LIFR: variants seen among roughly 807,000 people sequenced by gnomAD.
LIFR encodes leukemia inhibitory factor receptor.
A neutral mutation model predicts 122.2 loss-of-function variants in LIFR; 84 were observed. The ratio of observed to expected loss-of-function variants is 0.69; its 90% CI spans 0.58 to 0.82. The LOEUF (loss-of-function observed/expected upper bound fraction) is 0.82. LIFR is among the 40% of genes least tolerant of loss of function. The pLI, the probability that LIFR is intolerant of heterozygous loss-of-function variation, is 0.00. For missense variants in LIFR, 1,294 were observed against 1,311.6 expected (o/e 0.99, Z 0.21); for synonymous variants, 422 against 434.7 (o/e 0.97, Z 0.36).
rs1368401006 is a variant in LIFR at position 38,481,791 on chromosome 5, T to C, written c.3098A>G (p.Asn1033Ser). 1.9e-6 allele frequency: 3 copies of C among 1,613,988 alleles called. No individual in the cohort carries two copies. Among genetic ancestry groups the C allele is most frequent in the Non-Finnish European group, 2.5e-6 (3 of 1,179,990 alleles). The change falls in exon 20 of 20, where the codon AAT becomes AGT. Residue 1033 changes from asparagine to serine, a missense_variant. Physicochemically the swap from Asn to Ser is conservative, Grantham distance 46. Coordinates refer to ENST00000453190, the MANE Select transcript of LIFR (RefSeq NM_001127671.2). ...DKTAGYRPQA[N>S]VNTWNLVSPD... ...AGACACTAAATTCCATGTATTTACA[T>C]TGGCCTGAGGTCTGTAACCCGCAGT...
intron 1 of LIFR, among the ~76,000 whole-genome samples, chr5:38,544,704 C>T (rs1035367315): frequency 1.3e-5 from 2 of 152,132 alleles, no homozygotes; most frequent in African/African-American, 4.8e-5. Flanking sequence ...CTTATTGTCC[C>T]TCCCTCCCCA....
chr5:38,562,843 G>A (rs1229918170), intron 1 of LIFR, among the ~76,000 whole-genome samples: 1 of 152,178 alleles, frequency 6.6e-6, no homozygotes, highest in African/African-American at 2.4e-5. Context: ...TGACTGTGAA[G>A]AATTTTCAGT....
intron 13 of LIFR, 115 bp downstream of exon 13, chr5:38,496,267 T>A: frequency 1.2e-6 from 1 of 841,556 alleles, no homozygotes; most frequent in Non-Finnish European, 2.0e-6. Flanking sequence ...GCCTTCTAGG[T>A]CAGCAGCAAC....
chr5:38,511,654 G>T, intron 6 of LIFR, 136 bp downstream of exon 6: 2 of 770,790 alleles, frequency 2.6e-6, no homozygotes, highest in Non-Finnish European at 4.3e-6. Context: ...TCCAGGGATG[G>T]TGGGCTTAGA....
intron 1 of LIFR, among the ~76,000 whole-genome samples, chr5:38,581,558 G>A (rs1037991687): frequency 3.3e-5 from 5 of 152,202 alleles, no homozygotes; most frequent in African/African-American, 1.2e-4. Context: ...TTTCTTGCTT[G>A]TATATTACAC....
rs113292379 is a variant in LIFR at position 38,588,564 on chromosome 5, T to C, written c.-20+6697A>G. Reference sequence around the variant, plus strand: ...CTTGTTTTTTAAGTTAAATGTTACATGTGGTTGGAGTTGCTAGTAAGTTAT... The same window carrying C: ...CTTGTTTTTTAAGTTAAATGTTACACGTGGTTGGAGTTGCTAGTAAGTTAT... On this transcript the variant is annotated intron_variant, in intron 1 of 19. Transcript: ENST00000263409. Among the ~76,000 whole-genome samples, 59 of 152,308 alleles carry C rather than the reference T, an allele frequency of 3.9e-4. 1 individual carries two copies. Among genetic ancestry groups the C allele is most frequent in the African/African-American group, 1.4e-3 (59 of 41,574 alleles).
chr5:38,564,927 C>T (rs971726149), intron 1 of LIFR, among the ~76,000 whole-genome samples: 1 of 151,992 alleles, frequency 6.6e-6, no homozygotes, highest in Non-Finnish European at 1.5e-5. Context: ...GCGCCTGCCA[C>T]CATGCCTGGC....
intron 1 of LIFR, among the ~76,000 whole-genome samples, chr5:38,532,771 T>C (rs928545571): frequency 1.3e-5 from 2 of 152,186 alleles, no homozygotes; most frequent in African/African-American, 4.8e-5. Flanking sequence ...GAACAATACA[T>C]GAACAGAGCC....
chr5:38,583,855 C>G (rs1163506116), intron 1 of LIFR, among the ~76,000 whole-genome samples: 2 of 152,120 alleles, frequency 1.3e-5, no homozygotes, highest in Non-Finnish European at 2.9e-5. Context: ...ATATTGTTCT[C>G]ATGGTAGTGA....
Position 38,499,573 on chromosome 5 carries a change from C to G in LIFR, c.1611G>C (p.Lys537Asn). 1 of 1,605,796 alleles carries G rather than the reference C, an allele frequency of 6.2e-7. No individual in the cohort carries two copies. Among genetic ancestry groups the G allele is most frequent in the Non-Finnish European group, 8.5e-7 (1 of 1,172,474 alleles). ...TCCACTCTCTCCAAGTATCAGGCCC[C>G]TTTGAAGGACCTAAAAAGGAGATTT... is the stretch of plus-strand genomic sequence containing the variant. ...QHLTTEASPSKGPDTWREWSS... is the reference protein window; with the variant it reads ...QHLTTEASPSNGPDTWREWSS... The change falls in exon 12 of 20, where the codon AAG becomes AAC. Residue 537 changes from lysine (K) to asparagine (N), a missense_variant. Lys to Asn is a moderately conservative substitution (Grantham distance 94). Coordinates refer to ENST00000453190, the MANE Select transcript of LIFR (RefSeq NM_001127671.2).
chr5:38,527,350 T>A, intron 3 of LIFR, 56 bp from the exon 4 acceptor site: 2 of 1,215,988 alleles, frequency 1.6e-6, no homozygotes, highest in Non-Finnish European at 2.4e-6. Flanking sequence ...ATAATTTTCA[T>A]AAAAATTTGG....
At chr5:38,569,894 G>A (rs1749154857) in intron 1 of LIFR, among the ~76,000 whole-genome samples, 1 of 152,118 alleles carries the variant, frequency 6.6e-6, no homozygotes, top group South Asian at 2.1e-4. Context: ...AGCTGGGTAA[G>A]TGCAGTAATG....
intron 7 of LIFR, among the ~76,000 whole-genome samples, chr5:38,508,830 C>T (rs1002806857): frequency 1.2e-4 from 18 of 152,090 alleles, no homozygotes; most frequent in African/African-American, 1.7e-4. Flanking sequence ...GTGATCCGCC[C>T]GCCTCAGCCT....
intron 16 of LIFR, 64 bp from the exon 17 acceptor site, chr5:38,486,044 C>T (rs539339833): frequency 2.0e-4 from 283 of 1,440,562 alleles, no homozygotes; most frequent in Non-Finnish European, 2.4e-4. Flanking sequence ...TGGTTACCCA[C>T]ACCTGTCTCA....
At chr5:38,508,096 CAA>C (rs2112480305) in intron 7 of LIFR, among the ~76,000 whole-genome samples, 1 of 151,916 alleles carries the variant, frequency 6.6e-6, no homozygotes, top group East Asian at 1.9e-4. Flanking sequence ...ATCTAAATAA[CAA>C]GAGCAAATAA....
At chr5:38,571,282 T>A (rs917114489) in intron 1 of LIFR, among the ~76,000 whole-genome samples, 1 of 152,212 alleles carries the variant, frequency 6.6e-6, no homozygotes, top group Non-Finnish European at 1.5e-5. Flanking sequence ...CTGGGCACAG[T>A]GGCTCATGCC....
At chr5:38,497,930 T>C (rs1282868698) in intron 12 of LIFR, among the ~76,000 whole-genome samples, 1 of 152,214 alleles carries the variant, frequency 6.6e-6, no homozygotes, top group Admixed American at 6.5e-5. Context: ...TTGGTGAACT[T>C]TTTTGTGCCA....
At chr5:38,574,614 C>T (rs771460932) in intron 1 of LIFR, among the ~76,000 whole-genome samples, 2 of 152,172 alleles carry the variant, frequency 1.3e-5, no homozygotes, top group Non-Finnish European at 1.5e-5. Context: ...AAGTGACACA[C>T]CTCAGTTACA....
chr5:38,502,600 C>G (rs755070676), intron 11 of LIFR, 37 bp downstream of exon 11: 5 of 1,527,794 alleles, frequency 3.3e-6, no homozygotes. Flanking sequence ...TCAGAATACA[C>G]AGTAATTATT....
Sources: gnomAD v4.1 joint callset for allele counts (sites outside exome capture counted in the v4.1 genomes callset) on GRCh38, gnomAD v4.1.1 for gene constraint, MANE v1.5 for transcripts, NCBI Gene and HGNC (gene_info 2026-07-23, HGNC 2026-07-21) for gene names.